The following SESN3 variants were observed in gnomAD, a reference collection of about 807,000 sequenced individuals.
SESN3 encodes the protein sestrin 3, also known as sestrin-3.
A neutral mutation model predicts 55.3 loss-of-function variants in SESN3; 21 were observed. That is an observed-to-expected ratio of 0.38 (90% confidence interval 0.27 to 0.55). The LOEUF (loss-of-function observed/expected upper bound fraction) is 0.55. Among genes scored for constraint, SESN3 ranks in the 20% least tolerant of loss-of-function variants. SESN3 has a pLI of 0.76. For missense variants in SESN3, 408 were observed against 604.3 expected (o/e 0.68, Z 3.41); for synonymous variants, 181 against 203.1 (o/e 0.89, Z 0.93).
chr11:95,228,890 C>T (rs1434687307), intron 1 of SESN3, among the ~76,000 whole-genome samples: 1 of 152,116 alleles, frequency 6.6e-6, no homozygotes, highest in Non-Finnish European at 1.5e-5. Flanking sequence ...AAATAGTTTC[C>T]TAAAAGCTAA....
intron 1 of SESN3, among the ~76,000 whole-genome samples, chr11:95,221,992 A>C (rs530410982): frequency 6.6e-6 from 1 of 152,304 alleles, no homozygotes; most frequent in African/African-American, 2.4e-5. Context: ...TTCAAAGTAA[A>C]GGGCTTGTGA....
chr11:95,185,781 T>A (rs1371396960), intron 4 of SESN3, among the ~76,000 whole-genome samples: 2 of 151,992 alleles, frequency 1.3e-5, no homozygotes, highest in Non-Finnish European at 2.9e-5. Flanking sequence ...TGAAATACTT[T>A]TAGAGAATCA....
rs1482933850 is a variant in SESN3, at chr11:95,167,980, A to G, written c.*5275T>C. Reference sequence around the variant, plus strand: ...GGAACATTTTTTTTCCTCCCATAAGAACAGGATAGGAACAGAGGTTAGAGG... The same window carrying G: ...GGAACATTTTTTTTCCTCCCATAAGGACAGGATAGGAACAGAGGTTAGAGG... On this transcript the variant is annotated 3_prime_UTR_variant, in exon 10 of 10. Coordinates refer to ENST00000536441, the MANE Select transcript of SESN3 (RefSeq NM_144665.4). 1 of 152,192 alleles carries G rather than the reference A, an allele frequency of 6.6e-6. No homozygotes were observed. Among genetic ancestry groups the G allele is most frequent in the East Asian group, 1.9e-4 (1 of 5,198 alleles). The allele number at this position is 152,192 out of a possible 1,614,324, so 9.4% of individuals were successfully genotyped here.
intron 6 of SESN3, among the ~76,000 whole-genome samples, chr11:95,182,488 G>A (rs966960926): frequency 4.6e-5 from 7 of 152,102 alleles, no homozygotes; most frequent in African/African-American, 1.7e-4. Flanking sequence ...TTCCAAGAGT[G>A]GCTTGCATAC....
At chr11:95,213,205 C>G (rs528314625) in intron 1 of SESN3, among the ~76,000 whole-genome samples, 1 of 152,136 alleles carries the variant, frequency 6.6e-6, no homozygotes, top group Non-Finnish European at 1.5e-5. Context: ...CTGTCCACTT[C>G]TATACATAGA....
In SESN3 at chr11:95,167,308, T is replaced by C. The variant is rs1859767748; in HGVS notation, c.*5947A>G. The C allele has an allele frequency of 6.6e-6, 1 of 152,242 alleles. No individual in the cohort carries two copies. The highest frequency in any genetic ancestry group is 2.4e-5 in the African/African-American group (1 of 41,554). 9.4% of individuals were successfully genotyped at this position (152,242 alleles called of 1,614,324 possible). ...ATAGACTGTTCTAGCAAAATTTACA[T>C]AACAAAAATTCTATTCATCTTATTT... is the stretch of plus-strand genomic sequence containing the variant. On this transcript the variant is annotated 3_prime_UTR_variant, in exon 10 of 10. Coordinates refer to ENST00000536441, the MANE Select transcript of SESN3 (RefSeq NM_144665.4).
chr11:95,200,946 G>A (rs1860451241), intron 1 of SESN3: 1 of 151,972 alleles, frequency 6.6e-6, no homozygotes, highest in Non-Finnish European at 1.5e-5. Flanking sequence ...GTTCTTTGTA[G>A]GGCGGTCGGT....
At chr11:95,188,819 T>A (rs1860214103) in intron 4 of SESN3, among the ~76,000 whole-genome samples, 1 of 151,878 alleles carries the variant, frequency 6.6e-6, no homozygotes, top group Non-Finnish European at 1.5e-5. Context: ...GCAGGGTCTT[T>A]ATCTTTACCC....
At position 95,191,583 on chromosome 11, in the gene SESN3, C is replaced by T; in HGVS notation, c.163G>A (p.Val55Met). The T allele has an allele frequency of 1.9e-6, 3 of 1,612,302 alleles. No individual in the cohort carries two copies. Among genetic ancestry groups the T allele is most frequent in the Non-Finnish European group, 2.5e-6 (3 of 1,178,944 alleles). The change falls in exon 3 of 10, where the codon GTG becomes ATG. Residue 55 changes from valine (V) to methionine (M), a missense_variant. By Grantham distance (21) the Val-to-Met change is conservative. Coordinates refer to ENST00000536441, the MANE Select transcript of SESN3 (RefSeq NM_144665.4). ...PEKEVVQANT[V>M]DERTNFLVEE... Reference sequence around the variant, plus strand: ...ACAAGAAAGTTAGTACGTTCATCCACTGTGTTTGCTTGGACAACCTTATAA... The same window carrying T: ...ACAAGAAAGTTAGTACGTTCATCCATTGTGTTTGCTTGGACAACCTTATAA...
intron 1 of SESN3, among the ~76,000 whole-genome samples, chr11:95,216,613 C>T (rs1421041871): frequency 6.6e-6 from 1 of 152,068 alleles, no homozygotes; most frequent in South Asian, 2.1e-4. Flanking sequence ...GGAGTTATAT[C>T]ATTGAGGTGC....
At chr11:95,195,922 G>A (rs907582646) in intron 1 of SESN3, among the ~76,000 whole-genome samples, 2 of 152,130 alleles carry the variant, frequency 1.3e-5, no homozygotes, top group African/African-American at 2.4e-5. Flanking sequence ...TGTTTGAAGC[G>A]TTTTATTGTA....
rs1459501237 is a variant in SESN3, at chr11:95,177,658, T to G, written c.1247+61A>C. ...CATATACTCCCAAACAGGACAAAAA[T>G]AAGACTCATGCTTGAATTTTCACTT... On this transcript the variant is annotated intron_variant, in intron 8 of 9. Transcript: ENST00000536441. 4 of 1,298,454 alleles carry G rather than the reference T, an allele frequency of 3.1e-6. No individual in the cohort carries two copies. The East Asian group carries it at 9.9e-5, about 32-fold the overall frequency. 80.4% of individuals were successfully genotyped at this position (1,298,454 alleles called of 1,614,324 possible). A position where few individuals can be genotyped will look rare whatever the true frequency, so the allele number is the denominator to read the frequency against.
rs11021066 is a variant in SESN3, at chr11:95,179,993, T to C, written c.938-1165A>G. ...GAAAATAATTCTATCTCACTTTTTA[T>C]TTTAGGTTGGTCTGTCTTTACTATT... is the stretch of plus-strand genomic sequence containing the variant. On this transcript the variant is annotated intron_variant, in intron 6 of 9. Coordinates refer to ENST00000536441, the MANE Select transcript of SESN3 (RefSeq NM_144665.4). Among the ~76,000 whole-genome samples the C allele has an allele frequency of 8.9e-3, 1,357 of 152,314 alleles. 20 individuals are homozygous for C. Among genetic ancestry groups the C allele is most frequent in the African/African-American group, 0.031 (1,279 of 41,560 alleles).
chr11:95,220,035 T>C (rs1373993266), intron 1 of SESN3, among the ~76,000 whole-genome samples: 2 of 152,142 alleles, frequency 1.3e-5, no homozygotes, highest in East Asian at 3.9e-4. Context: ...CATCTCGCCA[T>C]AAATCCCTCT....
At chr11:95,213,345 A>G (rs980983001) in intron 1 of SESN3, among the ~76,000 whole-genome samples, 1 of 152,208 alleles carries the variant, frequency 6.6e-6, no homozygotes, top group Admixed American at 6.5e-5. Flanking sequence ...TCAATTGAAA[A>G]TGACCCCTAT....
chr11:95,224,454 T>C (rs1296211293), intron 1 of SESN3: 1 of 442,072 alleles, frequency 2.3e-6, no homozygotes, highest in Non-Finnish European at 4.5e-6. Context: ...AAGATTACCT[T>C]GTCCATTATG....
intron 1 of SESN3, among the ~76,000 whole-genome samples, chr11:95,197,220 C>T (rs1860377554): frequency 6.6e-6 from 1 of 152,130 alleles, no homozygotes; most frequent in Non-Finnish European, 1.5e-5. Flanking sequence ...AGGACTTTTT[C>T]TTCTCACATA....
intron 8 of SESN3, 53 bp from the exon 9 acceptor site, chr11:95,175,695 T>C: frequency 6.9e-7 from 1 of 1,449,112 alleles, no homozygotes; most frequent in Non-Finnish European, 9.5e-7. Context: ...ATATTTAGTT[T>C]CCAAAGTTAT....
chr11:95,194,869 A>G (rs1860332308), intron 1 of SESN3, among the ~76,000 whole-genome samples: 1 of 152,290 alleles, frequency 6.6e-6, no homozygotes, highest in South Asian at 2.1e-4. Flanking sequence ...GGTTAAAGTA[A>G]GCTATGATCG....
Sources: allele counts gnomAD v4.1 joint callset (sites outside exome capture counted in the v4.1 genomes callset), GRCh38; gene constraint gnomAD v4.1.1; transcripts MANE v1.5; gene names NCBI Gene and HGNC (gene_info 2026-07-23, HGNC 2026-07-21).